The following DYM variants were observed in gnomAD, a reference collection of about 807,000 sequenced individuals.
The protein encoded by DYM is dymeclin.
A neutral mutation model predicts 93.1 loss-of-function variants in DYM; 78 were observed. The observed-to-expected ratio is 0.84, with a 90% CI of 0.70 to 1.01. DYM has a LOEUF of 1.01. Among genes scored for constraint, DYM ranks in the 50% least tolerant of loss-of-function variants. The pLI is 0.00. For missense variants in DYM, 789 were observed against 845.0 expected (o/e 0.93, Z 0.82); for synonymous variants, 321 against 319.7 (o/e 1.00, Z -0.04).
chr18:49,401,352 T>C (rs1189650766), intron 2 of DYM, among the ~76,000 whole-genome samples: 2 of 152,200 alleles, frequency 1.3e-5, no homozygotes, highest in Non-Finnish European at 2.9e-5. Flanking sequence ...ACACTATCAC[T>C]TTGGCAGCAA....
intron 2 of DYM, among the ~76,000 whole-genome samples, chr18:49,394,143 T>C (rs776149301): frequency 1.3e-5 from 2 of 152,230 alleles, no homozygotes; most frequent in Non-Finnish European, 2.9e-5. Context: ...TTTTACATTG[T>C]GTATATTTCA....
At chr18:49,214,160 C>T (rs1007539768) in intron 13 of DYM, among the ~76,000 whole-genome samples, 11 of 152,162 alleles carry the variant, frequency 7.2e-5, no homozygotes, top group African/African-American at 2.7e-4. Flanking sequence ...GGGTTCCCAT[C>T]CCCCATTCTG....
At chr18:49,288,993 T>C (rs1433506434) in intron 8 of DYM, among the ~76,000 whole-genome samples, 2 of 152,046 alleles carry the variant, frequency 1.3e-5, no homozygotes, top group African/African-American at 4.8e-5. Flanking sequence ...ATAGTACAAT[T>C]TGTATAAAGC....
chr18:49,055,170 A>ATGTGGAGGGACCC (rs2075366917), intron 17 of DYM, among the ~76,000 whole-genome samples: 1 of 152,070 alleles, frequency 6.6e-6, no homozygotes, highest in Admixed American at 6.6e-5. Flanking sequence ...CTGGAACTGC[A>ATGTGGAGGGACCC]TGTGGAGGGA....
At position 49,272,302 on chromosome 18, in the gene DYM, A is replaced by G. The variant is rs540426081; in HGVS notation, c.1127T>C (p.Val376Ala). 1.3e-6 allele frequency: 2 copies of G among 1,525,746 alleles called. No individual in the cohort carries two copies. The highest frequency in any genetic ancestry group is 1.8e-6 in the Non-Finnish European group (2 of 1,100,750). The allele number at this position is 1,525,746 out of a possible 1,614,324, so 94.5% of individuals were successfully genotyped here. The change falls in exon 11 of 18, where the codon GTT becomes GCT. Residue 376 changes from valine (V) to alanine (A), a missense_variant and splice_region_variant. Transcript: ENST00000675505. Reference protein sequence around the residue: ...MLARTDMENLVLPILEILYHV... With the variant: ...MLARTDMENLALPILEILYHV... The stretch of plus-strand genomic sequence containing the variant: ...ATACAGAATCTCAAGAATTGGTAAA[A>G]CCTAGAGAATAAAAATTATAATTGA...
chr18:49,299,162 A>G (rs981618676), intron 8 of DYM, among the ~76,000 whole-genome samples: 5 of 152,222 alleles, frequency 3.3e-5, no homozygotes, highest in Admixed American at 6.5e-5. Context: ...AGCAGAGGAA[A>G]ACTTTTTAAA....
At chr18:49,210,603 G>C (rs940933896) in intron 13 of DYM, among the ~76,000 whole-genome samples, 1 of 152,158 alleles carries the variant, frequency 6.6e-6, no homozygotes, top group East Asian at 1.9e-4. Flanking sequence ...TGAAGCTACT[G>C]TATTACTACT....
chr18:49,424,349 C>G (rs111967669), intron 2 of DYM, among the ~76,000 whole-genome samples: 1 of 152,052 alleles, frequency 6.6e-6, no homozygotes, highest in East Asian at 1.9e-4. Context: ...ATTCAACAGC[C>G]CTTCATGCTA....
intron 15 of DYM, among the ~76,000 whole-genome samples, chr18:49,150,722 C>T (rs1053536371): frequency 2.0e-5 from 3 of 152,152 alleles, no homozygotes; most frequent in African/African-American, 7.2e-5. Context: ...GCTAGCACTG[C>T]CTATTAAAGG....
intron 2 of DYM, among the ~76,000 whole-genome samples, chr18:49,401,490 A>G (rs1476851302): frequency 6.6e-6 from 1 of 152,204 alleles, no homozygotes; most frequent in Admixed American, 6.5e-5. Context: ...TGAAAGATCA[A>G]ATCAGGGTAA....
chr18:49,440,006 T>C (rs1255036147), intron 1 of DYM, among the ~76,000 whole-genome samples: 1 of 135,630 alleles, frequency 7.4e-6, no homozygotes, highest in South Asian at 2.5e-4. Context: ...GGAGACTCTG[T>C]CACCAATAAA....
intron 2 of DYM, among the ~76,000 whole-genome samples, chr18:49,398,753 T>C (rs982279185): frequency 1.3e-5 from 2 of 152,180 alleles, no homozygotes; most frequent in Admixed American, 6.5e-5. Flanking sequence ...CTGATTTTTG[T>C]TGACAACCAG....
intron 2 of DYM, among the ~76,000 whole-genome samples, chr18:49,406,644 A>G (rs2148126386): frequency 6.6e-6 from 1 of 152,322 alleles, no homozygotes; most frequent in East Asian, 1.9e-4. Flanking sequence ...ACCAGGAGGC[A>G]ACACTAAACA....
chr18:49,396,080 C>A (rs1031646687), intron 2 of DYM, among the ~76,000 whole-genome samples: 2 of 152,174 alleles, frequency 1.3e-5, no homozygotes, highest in Non-Finnish European at 2.9e-5. Context: ...CACACCAGCT[C>A]CCCTTCACCT....
At chr18:49,375,364 A>C (rs112875485) in intron 5 of DYM, among the ~76,000 whole-genome samples, 1,621 of 152,076 alleles carry the variant, frequency 0.011, 29 homozygotes, top group African/African-American at 0.037. Flanking sequence ...TATTCTTAAT[A>C]AATTATAACT....
chr18:49,164,319 G>T (rs186945759), intron 14 of DYM, among the ~76,000 whole-genome samples: 2 of 151,874 alleles, frequency 1.3e-5, no homozygotes, highest in East Asian at 3.9e-4. Flanking sequence ...TAACTCTCCT[G>T]CTATCACTAA....
At chr18:49,073,579 T>C (rs2077065492) in intron 17 of DYM, among the ~76,000 whole-genome samples, 1 of 152,112 alleles carries the variant, frequency 6.6e-6, no homozygotes, top group African/African-American at 2.4e-5. Context: ...ACGAGTGAGC[T>C]TTCAAGAGGC....
intron 13 of DYM, among the ~76,000 whole-genome samples, chr18:49,243,125 C>T (rs2094071661): frequency 6.6e-6 from 1 of 152,170 alleles, no homozygotes; most frequent in Admixed American, 6.5e-5. Context: ...ACTCAAGCAT[C>T]AATCATCTCA....
At chr18:49,319,873 T>G (rs1480163772) in intron 8 of DYM, among the ~76,000 whole-genome samples, 1 of 152,190 alleles carries the variant, frequency 6.6e-6, no homozygotes, top group Non-Finnish European at 1.5e-5. Context: ...AGAAGTGAGA[T>G]GAAGGCTGCT....
Sources: gnomAD v4.1 joint callset for allele counts (sites outside exome capture counted in the v4.1 genomes callset) on GRCh38, gnomAD v4.1.1 for gene constraint, MANE v1.5 for transcripts, NCBI Gene and HGNC (gene_info 2026-07-23, HGNC 2026-07-21) for gene names.